LAMA2: variants seen among roughly 807,000 people sequenced by gnomAD.
The protein encoded by LAMA2 is laminin subunit alpha-2.
Under a neutral mutation model 364.8 loss-of-function variants are expected in LAMA2, and 269 were observed. That is an observed-to-expected ratio of 0.74 (90% confidence interval 0.67 to 0.82). The LOEUF (loss-of-function observed/expected upper bound fraction) is 0.82. Ranked by LOEUF, LAMA2 falls within the 40% of genes least tolerant of loss-of-function variation. The pLI is 0.00. For synonymous variants in LAMA2, 1,379 were observed against 1,370.6 expected (o/e 1.01, Z -0.14); for missense variants, 3,807 against 3,873.2 (o/e 0.98, Z 0.45).
At chr6:129,027,699 A>T (rs1475105268) in intron 1 of LAMA2, among the ~76,000 whole-genome samples, 1 of 151,886 alleles carries the variant, frequency 6.6e-6, no homozygotes, top group Non-Finnish European at 1.5e-5. Flanking sequence ...AAGAAATACT[A>T]AATTTAGACT....
intron 8 of LAMA2, chr6:129,157,727 C>T (rs1158446215): frequency 8.1e-6 from 13 of 1,611,744 alleles, no homozygotes; most frequent in East Asian, 4.5e-5. Flanking sequence ...CTTCGTATGA[C>T]GGATCACTCG....
intron 45 of LAMA2, among the ~76,000 whole-genome samples, chr6:129,452,653 G>T (rs1321177061): frequency 6.6e-6 from 1 of 152,138 alleles, no homozygotes; most frequent in African/African-American, 2.4e-5. Context: ...ATTCTCATTA[G>T]CTCCATGTAA....
chr6:129,236,231 C>T lies in LAMA2; in HGVS notation c.1783-13881C>T, dbSNP rs1216474137. Among the ~76,000 whole-genome samples, 3 of 152,254 alleles carry T rather than the reference C, an allele frequency of 2.0e-5. No individual in the cohort carries two copies. In the East Asian group the frequency reaches 5.8e-4, roughly 29 times the overall value. ...CAGTAGAGACGATGCTGTTAATGTT[C>T]ACCGAGGTAAATAATTTGTCCAAAG... On this transcript the variant is annotated intron_variant, in intron 12 of 64. Coordinates refer to ENST00000421865, the MANE Select transcript of LAMA2 (RefSeq NM_000426.4).
chr6:129,252,571 A>G (rs1174017441), intron 14 of LAMA2, among the ~76,000 whole-genome samples: 1 of 152,238 alleles, frequency 6.6e-6, no homozygotes, highest in Non-Finnish European at 1.5e-5. Flanking sequence ...GAGAAATGTT[A>G]TATTGGAAAA....
chr6:129,306,041 C>A (rs867728028), intron 22 of LAMA2, among the ~76,000 whole-genome samples: 18 of 151,928 alleles, frequency 1.2e-4, no homozygotes, highest in African/African-American at 4.3e-4. Context: ...CTTTCCTATC[C>A]TTTGTACTAT....
At chr6:129,267,060 T>C (rs1014787787) in intron 15 of LAMA2, 46 bp from the exon 16 acceptor site, 1 of 1,229,540 alleles carries the variant, frequency 8.1e-7, no homozygotes, top group Non-Finnish European at 1.2e-6. Flanking sequence ...AAAACACCTT[T>C]TTGTTTTAAT....
chr6:129,391,852 CTTAT>C (rs1779343813), intron 36 of LAMA2, among the ~76,000 whole-genome samples, 199 bp downstream of exon 36: 1 of 151,838 alleles, frequency 6.6e-6, no homozygotes, highest in Admixed American at 6.6e-5. Flanking sequence ...TATTCATTTA[CTTAT>C]TTAATTGTAC....
chr6:129,435,221 A>T (rs1781777552), intron 41 of LAMA2, among the ~76,000 whole-genome samples: 1 of 152,190 alleles, frequency 6.6e-6, no homozygotes, highest in South Asian at 2.1e-4. Flanking sequence ...TGAATGCTCC[A>T]TTATTTTAAA....
chr6:129,457,706 T>C (rs983394316), intron 48 of LAMA2, among the ~76,000 whole-genome samples: 8 of 152,144 alleles, frequency 5.3e-5, no homozygotes, highest in African/African-American at 1.9e-4. Flanking sequence ...CCATTAGGGC[T>C]GCTATAAGAA....
intron 1 of LAMA2, among the ~76,000 whole-genome samples, chr6:129,037,935 T>C (rs949853050): frequency 3.3e-5 from 5 of 152,186 alleles, no homozygotes; most frequent in African/African-American, 1.2e-4. Flanking sequence ...TCCCAAAGTG[T>C]AGTTTAATAT....
At chr6:129,159,139 C>T (rs1779307420) in intron 8 of LAMA2, 4 of 1,541,956 alleles carry the variant, frequency 2.6e-6, no homozygotes, top group South Asian at 1.1e-5. Flanking sequence ...TGTAATGTTT[C>T]CTGTGTACTG....
intron 51 of LAMA2, among the ~76,000 whole-genome samples, chr6:129,468,009 T>C (rs1333922255): frequency 6.6e-6 from 1 of 151,832 alleles, no homozygotes; most frequent in Non-Finnish European, 1.5e-5. Flanking sequence ...GGTTTCTAGT[T>C]CAATCCCTTT....
intron 29 of LAMA2, among the ~76,000 whole-genome samples, chr6:129,341,168 C>T (rs886911842): frequency 6.6e-6 from 1 of 152,172 alleles, no homozygotes; most frequent in Non-Finnish European, 1.5e-5. Context: ...AATTGTCTGG[C>T]CATTAGAAGA....
chr6:128,890,515 A>C (rs998652075), intron 1 of LAMA2, among the ~76,000 whole-genome samples: 1 of 150,270 alleles, frequency 6.7e-6, no homozygotes, highest in African/African-American at 2.5e-5. Context: ...TAAAATGTGT[A>C]GTCTTGAAGG....
Position 129,312,877 on chromosome 6 carries a change from C to A in LAMA2, c.3191C>A (p.Thr1064Lys). 1 of 1,613,712 alleles carries A rather than the reference C, an allele frequency of 6.2e-7. No individual in the cohort carries two copies. The highest frequency in any genetic ancestry group is 8.5e-7 in the Non-Finnish European group (1 of 1,179,620). Residue 1064 changes from threonine (T) to lysine (K), a missense_variant, in exon 23 of 65, where the codon ACA becomes AAA. By Grantham distance (78) the Thr-to-Lys change is moderately conservative. Transcript: ENST00000421865. ...CCTCTATAGGCTTGTAACTGCAGCA[C>A]AGTGGGATCCTTGGATTTCCAATGC... ...TTGCKACNCS[T>K]VGSLDFQCNV...
chr6:128,941,852 T>C (rs1780181797), intron 1 of LAMA2, among the ~76,000 whole-genome samples: 1 of 152,170 alleles, frequency 6.6e-6, no homozygotes, highest in Admixed American at 6.5e-5. Context: ...TTAGACGTCA[T>C]CACTGAGACC....
chr6:129,372,825 T>G (rs1206761668), intron 34 of LAMA2, among the ~76,000 whole-genome samples: 1 of 152,242 alleles, frequency 6.6e-6, no homozygotes, highest in Non-Finnish European at 1.5e-5. Flanking sequence ...TTTTAGTGTT[T>G]GGATTTTGTC....
chr6:129,481,799 C>A (rs112354335), intron 55 of LAMA2, among the ~76,000 whole-genome samples: 3,605 of 152,260 alleles, frequency 0.024, 136 homozygotes, highest in African/African-American at 0.082. Flanking sequence ...TGTAGACAGT[C>A]AGCTTCGGTC....
intron 4 of LAMA2, among the ~76,000 whole-genome samples, chr6:129,101,223 G>A (rs1583043427): frequency 1.3e-5 from 2 of 152,162 alleles, no homozygotes; most frequent in African/African-American, 2.4e-5. Context: ...GAGGCACATT[G>A]AGAAGATAAC....
Sources: allele counts gnomAD v4.1 joint callset (sites outside exome capture counted in the v4.1 genomes callset), GRCh38; gene constraint gnomAD v4.1.1; transcripts MANE v1.5; gene names NCBI Gene and HGNC (gene_info 2026-07-23, HGNC 2026-07-21).